TUSC3: variants seen among roughly 807,000 people sequenced by gnomAD.
TUSC3 encodes the protein dolichyl-diphosphooligosaccharide--protein glycosyltransferase subunit TUSC3.
Under a neutral mutation model 44.8 loss-of-function variants are expected in TUSC3, and 45 were observed. The ratio of observed to expected loss-of-function variants is 1.00; its 90% CI spans 0.79 to 1.29. TUSC3 has a LOEUF of 1.29. Among genes scored for constraint, TUSC3 ranks in the 50% most tolerant of loss-of-function variants. The pLI, the probability that TUSC3 is intolerant of heterozygous loss-of-function variation, is 0.00. For synonymous variants in TUSC3, 212 were observed against 152.9 expected, an observed-to-expected ratio of 1.39 and a Z score of -2.85; for missense variants, 519 against 437.9, an observed-to-expected ratio of 1.19 and a Z score of -1.65.
At chr8:15,421,150 A>G (rs546673376) in intron 1 of TUSC3, among the ~76,000 whole-genome samples, 8 of 151,996 alleles carry the variant, frequency 5.3e-5, no homozygotes, top group Non-Finnish European at 1.0e-4. Flanking sequence ...TATTCCATTC[A>G]TATTCTTCCT....
chr8:15,811,442 G>C, the TUSC3 span, among the ~76,000 whole-genome samples: 1 of 152,154 alleles, frequency 6.6e-6, no homozygotes, highest in Non-Finnish European at 1.5e-5. Context: ...TCAAGCCCGG[G>C]GGTAGTTGCC....
intron 2 of TUSC3, among the ~76,000 whole-genome samples, chr8:15,516,619 T>G (rs1801219322): frequency 6.6e-6 from 1 of 152,170 alleles, no homozygotes; most frequent in African/African-American, 2.4e-5. Context: ...GTTTTGCCAT[T>G]CTTTACTTGA....
At chr8:15,720,713 A>G (rs748201902) in intron 6 of TUSC3, among the ~76,000 whole-genome samples, 4 of 152,118 alleles carry the variant, frequency 2.6e-5, no homozygotes, top group Non-Finnish European at 4.4e-5. Flanking sequence ...TCTTGAGACC[A>G]TATAAGAGAA....
chr8:15,772,684 C>A, the TUSC3 span, among the ~76,000 whole-genome samples: 1 of 152,156 alleles, frequency 6.6e-6, no homozygotes, highest in African/African-American at 2.4e-5. Flanking sequence ...GACACCACAC[C>A]AAATACACTA....
chr8:15,502,240 A>T (rs894216673), intron 2 of TUSC3, among the ~76,000 whole-genome samples: 34 of 152,274 alleles, frequency 2.2e-4, no homozygotes, highest in African/African-American at 8.2e-4. Context: ...TTATTTCTTC[A>T]CTTGCTTAGT....
chr8:15,661,387 A>T (rs1337271659), intron 4 of TUSC3, among the ~76,000 whole-genome samples: 2 of 152,018 alleles, frequency 1.3e-5, no homozygotes, highest in Non-Finnish European at 2.9e-5. Flanking sequence ...CTTTAAAAAC[A>T]TTGACACTTT....
chr8:15,675,745 C>G (rs944996690), intron 6 of TUSC3, among the ~76,000 whole-genome samples: 1 of 152,094 alleles, frequency 6.6e-6, no homozygotes, highest in Admixed American at 6.6e-5. Flanking sequence ...CAGCTGCATC[C>G]ATATTGCTGC....
the TUSC3 span, among the ~76,000 whole-genome samples, chr8:15,819,345 T>C: frequency 6.6e-6 from 1 of 151,432 alleles, no homozygotes; most frequent in Non-Finnish European, 1.5e-5. Context: ...AATATTTCAC[T>C]CTTCCAACTC....
At chr8:15,827,959 C>G in the TUSC3 span, among the ~76,000 whole-genome samples, 249 of 150,988 alleles carry the variant, frequency 1.6e-3, 1 homozygote, top group Middle Eastern at 0.01. Flanking sequence ...TACTGAAGTC[C>G]TAACACCCCA....
At chr8:15,578,563 T>C (rs1352576804) in intron 1 of TUSC3, among the ~76,000 whole-genome samples, 1 of 143,490 alleles carries the variant, frequency 7.0e-6, no homozygotes, top group Non-Finnish European at 1.5e-5. Context: ...TCTGCATCTC[T>C]TGAGATAATC....
intron 1 of TUSC3, among the ~76,000 whole-genome samples, chr8:15,547,554 G>C (rs1226765976): frequency 6.6e-6 from 1 of 151,576 alleles, no homozygotes; most frequent in Non-Finnish European, 1.5e-5. Context: ...CAAGCAACAA[G>C]CAGACAGGAT....
At chr8:15,667,921 G>C (rs917849469) in intron 5 of TUSC3, among the ~76,000 whole-genome samples, 2 of 151,808 alleles carry the variant, frequency 1.3e-5, no homozygotes, top group African/African-American at 4.8e-5. Context: ...AGTTTGTTTT[G>C]AAAAACAAGG....
chr8:15,781,495 G>C, the TUSC3 span, among the ~76,000 whole-genome samples: 1 of 152,038 alleles, frequency 6.6e-6, no homozygotes, highest in South Asian at 2.1e-4. Context: ...AAAGCAACTT[G>C]TTACATACAA....
At chr8:15,592,963 T>A (rs1309021198) in intron 1 of TUSC3, among the ~76,000 whole-genome samples, 1 of 152,182 alleles carries the variant, frequency 6.6e-6, no homozygotes, top group Non-Finnish European at 1.5e-5. Flanking sequence ...ACCACTTAGC[T>A]ATAGTGCTTA....
intron 2 of TUSC3, among the ~76,000 whole-genome samples, chr8:15,484,539 T>C (rs1187260447): frequency 6.6e-6 from 1 of 152,214 alleles, no homozygotes. Context: ...ATTCAGAAAA[T>C]TATCCAACAT....
At chr8:15,614,808 A>G (rs149404935) in intron 1 of TUSC3, among the ~76,000 whole-genome samples, 232 of 152,140 alleles carry the variant, frequency 1.5e-3, no homozygotes, top group Admixed American at 2.7e-3. Context: ...TTTTTTGCTA[A>G]GGATATAGTT....
chr8:15,511,397 C>G (rs879888643), intron 2 of TUSC3, among the ~76,000 whole-genome samples: 5 of 152,052 alleles, frequency 3.3e-5, no homozygotes, highest in Admixed American at 6.6e-5. Context: ...ATGGAATATA[C>G]AAAATAGTTA....
At chr8:15,739,815 T>A (rs1210926961) in intron 7 of TUSC3, among the ~76,000 whole-genome samples, 1 of 152,224 alleles carries the variant, frequency 6.6e-6, no homozygotes, top group African/African-American at 2.4e-5. Flanking sequence ...AATCCTGATA[T>A]CATCTTACTT....
At chr8:15,646,603 A>G (rs111253436) in intron 2 of TUSC3, among the ~76,000 whole-genome samples, 3,137 of 152,058 alleles carry the variant, frequency 0.021, 104 homozygotes, top group African/African-American at 0.072. Context: ...TTTTTAGATT[A>G]TAGTACTGTT....
Sources: allele counts gnomAD v4.1 joint callset (sites outside exome capture counted in the v4.1 genomes callset), GRCh38; gene constraint gnomAD v4.1.1; transcripts MANE v1.5; gene names NCBI Gene and HGNC (gene_info 2026-07-23, HGNC 2026-07-21).